Variants in CADPS observed in about 807,000 individuals in gnomAD.
CADPS encodes calcium-dependent secretion activator 1.
A neutral mutation model predicts 167.3 loss-of-function variants in CADPS; 57 were observed. The ratio of observed to expected loss-of-function variants is 0.34; its 90% CI spans 0.28 to 0.42. CADPS has a LOEUF of 0.42. CADPS is among the 20% of genes least tolerant of loss of function. The pLI is 1.00. For missense variants in CADPS, 1,414 were observed against 1,738.1 expected (o/e 0.81, Z 3.32); for synonymous variants, 676 against 635.3 (o/e 1.06, Z -0.96).
chr3:62,407,050 T>A (rs1435514178), intron 28 of CADPS, among the ~76,000 whole-genome samples: 1 of 152,146 alleles, frequency 6.6e-6, no homozygotes, highest in East Asian at 1.9e-4. Flanking sequence ...AATGAAATCA[T>A]GCTCATAAAG....
intron 1 of CADPS, among the ~76,000 whole-genome samples, chr3:62,866,138 A>C (rs1199678611): frequency 6.6e-6 from 1 of 152,178 alleles, no homozygotes; most frequent in Non-Finnish European, 1.5e-5. Flanking sequence ...TTCATAAAGA[A>C]GGCTTTTCTC....
intron 9 of CADPS, among the ~76,000 whole-genome samples, chr3:62,562,907 C>A (rs541680218): frequency 3.9e-4 from 59 of 152,324 alleles, no homozygotes; most frequent in Non-Finnish European, 6.0e-4. Flanking sequence ...TGTACTGGAA[C>A]AATTGTTAAA....
At chr3:62,563,025 T>C (rs1250771516) in intron 9 of CADPS, among the ~76,000 whole-genome samples, 1 of 152,206 alleles carries the variant, frequency 6.6e-6, no homozygotes, top group Non-Finnish European at 1.5e-5. Flanking sequence ...AGATTAAATA[T>C]ATTGAGAGAC....
intron 1 of CADPS, among the ~76,000 whole-genome samples, chr3:62,825,551 T>C (rs866347964): frequency 1.3e-5 from 2 of 152,066 alleles, no homozygotes; most frequent in South Asian, 4.2e-4. Context: ...CCTTATGGAG[T>C]AGGCACTGTT....
At chr3:62,437,496 T>G (rs1463385150) in intron 28 of CADPS, among the ~76,000 whole-genome samples, 1 of 152,128 alleles carries the variant, frequency 6.6e-6, no homozygotes, top group African/African-American at 2.4e-5. Flanking sequence ...ACTCATTCTT[T>G]GTACACCTGT....
intron 29 of CADPS, 132 bp downstream of exon 29, chr3:62,402,949 A>G (rs532200953): frequency 3.9e-6 from 2 of 518,274 alleles, no homozygotes; most frequent in Non-Finnish European, 6.8e-6. Flanking sequence ...ACAATTGCAT[A>G]GGTTTTTCTT....
At chr3:62,800,774 G>C (rs773043902) in intron 1 of CADPS, among the ~76,000 whole-genome samples, 85 of 151,998 alleles carry the variant, frequency 5.6e-4, no homozygotes, top group Admixed American at 9.2e-4. Flanking sequence ...TAGTTAAATG[G>C]TTTGGAATAA....
At chr3:62,418,489 T>C (rs1279571924) in intron 28 of CADPS, among the ~76,000 whole-genome samples, 1 of 62,996 alleles carries the variant, frequency 1.6e-5, no homozygotes, top group African/African-American at 7.7e-5. Flanking sequence ...CATGCCCTAT[T>C]TTTTTTTTTT....
At chr3:62,748,071 A>G (rs2081870860) in intron 3 of CADPS, among the ~76,000 whole-genome samples, 1 of 150,544 alleles carries the variant, frequency 6.6e-6, no homozygotes, top group Non-Finnish European at 1.5e-5. Context: ...CTGTAATCCC[A>G]GTACTTTGGG....
intron 29 of CADPS, among the ~76,000 whole-genome samples, chr3:62,400,187 T>C (rs1379690991): frequency 6.6e-6 from 1 of 152,202 alleles, no homozygotes; most frequent in Non-Finnish European, 1.5e-5. Context: ...TCATTTCTTC[T>C]CTCCTTGGGA....
chr3:62,670,794 C>G (rs907890037), intron 3 of CADPS, among the ~76,000 whole-genome samples: 1 of 152,092 alleles, frequency 6.6e-6, no homozygotes, highest in African/African-American at 2.4e-5. Flanking sequence ...TCTTCTTTTC[C>G]TTTCTACCAT....
At chr3:62,658,347 G>C (rs1159636967) in intron 4 of CADPS, among the ~76,000 whole-genome samples, 2 of 152,128 alleles carry the variant, frequency 1.3e-5, no homozygotes, top group Admixed American at 1.3e-4. Flanking sequence ...GAGAGTTCAG[G>C]ATGAGGCAAG....
At chr3:62,562,112 T>C (rs1460471349) in intron 9 of CADPS, among the ~76,000 whole-genome samples, 1 of 152,194 alleles carries the variant, frequency 6.6e-6, no homozygotes, top group Non-Finnish European at 1.5e-5. Flanking sequence ...CTGTAAGAGC[T>C]TGGAGATTTG....
intron 1 of CADPS, among the ~76,000 whole-genome samples, chr3:62,865,675 G>T (rs531167931): frequency 2.0e-5 from 3 of 152,182 alleles, no homozygotes; most frequent in Non-Finnish European, 4.4e-5. Context: ...CTAGTGAAAT[G>T]TATCAGAAAA....
At chr3:62,440,229 C>T (rs2149807435) in intron 27 of CADPS, 1 of 152,276 alleles carries the variant, frequency 6.6e-6, no homozygotes, top group South Asian at 2.1e-4. Flanking sequence ...TTCTCCATCT[C>T]CTCCTTTTTC....
intron 10 of CADPS, among the ~76,000 whole-genome samples, chr3:62,551,860 C>T (rs1445137130): frequency 6.6e-6 from 1 of 152,150 alleles, no homozygotes; most frequent in African/African-American, 2.4e-5. Context: ...TTTTCCTAAA[C>T]ATCACATTCC....
chr3:62,749,464 G>T (rs2082225593), intron 3 of CADPS, among the ~76,000 whole-genome samples: 1 of 152,126 alleles, frequency 6.6e-6, no homozygotes, highest in Non-Finnish European at 1.5e-5. Flanking sequence ...GCACATTTTG[G>T]GTTTGGGAAG....
chr3:62,844,342 A>C (rs528800002), intron 1 of CADPS, among the ~76,000 whole-genome samples: 69 of 152,340 alleles, frequency 4.5e-4, no homozygotes, highest in African/African-American at 1.6e-3. Context: ...GAGAACAAGA[A>C]TTCAGGCTGG....
At position 62,714,960 on chromosome 3, in the gene CADPS, G is replaced by C. The variant is rs147686287; in HGVS notation, c.888+38481C>G. Among the ~76,000 whole-genome samples the C allele has an allele frequency of 8.5e-3, 1,294 of 152,224 alleles. 20 individuals carry two copies. Among genetic ancestry groups the C allele is most frequent in the African/African-American group, 0.029 (1,197 of 41,532 alleles). On this transcript the variant is annotated intron_variant, in intron 3 of 29. Transcript: ENST00000383710. ...AATTTCCAGATATATACAAAAACAT[G>C]GAAATGTGACCATATTTGATAGCAG...
Sources: allele counts gnomAD v4.1 joint callset (sites outside exome capture counted in the v4.1 genomes callset), GRCh38; gene constraint gnomAD v4.1.1; transcripts MANE v1.5; gene names NCBI Gene and HGNC (gene_info 2026-07-23, HGNC 2026-07-21).